The following AK5 variants were observed in gnomAD, a reference collection of about 807,000 sequenced individuals.
The protein encoded by AK5 is adenylate kinase isoenzyme 5.
AK5 carries 27 observed loss-of-function variants against 69.5 expected under a neutral mutation model. That is an observed-to-expected ratio of 0.39 (90% CI 0.29 to 0.54). The LOEUF (loss-of-function observed/expected upper bound fraction) is 0.54. AK5 is among the 20% of genes least tolerant of loss of function. AK5 has a pLI of 0.71. For missense variants in AK5, 531 were observed against 700.4 expected, an observed-to-expected ratio of 0.76 and a Z score of 2.73; for synonymous variants, 260 against 244.4, an observed-to-expected ratio of 1.06 and a Z score of -0.60.
chr1:77,413,545 C>A (rs1488411018), intron 7 of AK5, among the ~76,000 whole-genome samples: 1 of 152,186 alleles, frequency 6.6e-6, no homozygotes, highest in Non-Finnish European at 1.5e-5. Context: ...ACCCACACTT[C>A]TAGCAAAGCC....
intron 5 of AK5, among the ~76,000 whole-genome samples, chr1:77,325,264 C>CA (rs781722984): frequency 6.5e-4 from 99 of 152,002 alleles, no homozygotes; most frequent in Non-Finnish European, 1.2e-3. Context: ...CTCGGCCTCC[C>CA]AAAGTGTTGG....
chr1:77,368,253 A>T (rs998683291), intron 6 of AK5, among the ~76,000 whole-genome samples: 22 of 38,610 alleles, frequency 5.7e-4, no homozygotes, highest in East Asian at 2.3e-3. Context: ...ATATATATAT[A>T]ATATATATGT....
chr1:77,543,959 C>T (rs986799421), intron 13 of AK5, among the ~76,000 whole-genome samples: 1 of 151,876 alleles, frequency 6.6e-6, no homozygotes, highest in Non-Finnish European at 1.5e-5. Flanking sequence ...AGTCATGCAT[C>T]ATTTAACAGT....
chr1:77,327,332 A>C lies in AK5; in HGVS notation c.700-13045A>C, dbSNP rs1057009907. Among the ~76,000 whole-genome samples the C allele has an allele frequency of 2.2e-4, 33 of 150,580 alleles. 1 individual carries two copies. Among genetic ancestry groups the C allele is most frequent in the Middle Eastern group, 6.9e-3 (2 of 290 alleles). ...CCTGAGCCAAAGAGTTTGAGACTGC[A>C]GTGAGCTATGATTGTGCCACTGCAT... On this transcript the variant is annotated intron_variant, in intron 5 of 13. Coordinates refer to ENST00000354567, the MANE Select transcript of AK5 (RefSeq NM_174858.3).
intron 6 of AK5, among the ~76,000 whole-genome samples, chr1:77,367,554 T>TATATATAATATATA (rs59508312): frequency 3.5e-5 from 1 of 28,588 alleles, no homozygotes; most frequent in Non-Finnish European, 7.2e-5. Context: ...ATTTATGTTA[T>TATATATAATATATA]TTTTATATAT....
chr1:77,367,637 ATG>A (rs1227931820), intron 6 of AK5, among the ~76,000 whole-genome samples: 2 of 89,086 alleles, frequency 2.2e-5, no homozygotes, highest in South Asian at 3.7e-4. Context: ...TGTAATATAT[ATG>A]TTATGTTATA....
At chr1:77,398,989 A>C (rs1049428331) in intron 6 of AK5, among the ~76,000 whole-genome samples, 3 of 152,138 alleles carry the variant, frequency 2.0e-5, no homozygotes, top group Non-Finnish European at 4.4e-5. Flanking sequence ...TCCCTTTCTT[A>C]AGCAACTTTT....
intron 5 of AK5, among the ~76,000 whole-genome samples, chr1:77,332,159 A>G (rs776744085): frequency 2.0e-4 from 31 of 152,210 alleles, no homozygotes; most frequent in Middle Eastern, 3.4e-3. Context: ...GTTATTCTTA[A>G]TATCCTCTTT....
At chr1:77,536,771 T>A (rs1440339519) in intron 13 of AK5, among the ~76,000 whole-genome samples, 1 of 152,224 alleles carries the variant, frequency 6.6e-6, no homozygotes, top group Non-Finnish European at 1.5e-5. Flanking sequence ...TCGTTCACAA[T>A]TGGCTCTTGG....
At chr1:77,393,739 G>A (rs1648641165) in intron 6 of AK5, among the ~76,000 whole-genome samples, 1 of 152,178 alleles carries the variant, frequency 6.6e-6, no homozygotes, top group African/African-American at 2.4e-5. Context: ...GAGGAAAGAA[G>A]CTTAGAGAAT....
intron 8 of AK5, 41 bp downstream of exon 8, chr1:77,417,756 T>A: frequency 7.9e-7 from 1 of 1,259,636 alleles, no homozygotes; most frequent in South Asian, 1.3e-5. Context: ...TAAATGTTTT[T>A]AAGTTGAACC....
At position 77,558,649 on chromosome 1, in the gene AK5, A is replaced by G; in HGVS notation, c.1668A>G (p.Thr556=). The G allele has an allele frequency of 1.3e-6, 2 of 1,555,096 alleles. No individual in the cohort carries two copies. Among genetic ancestry groups the G allele is most frequent in the Non-Finnish European group, 1.7e-6 (2 of 1,144,278 alleles). The change falls in exon 14 of 14, where the codon ACA becomes ACG. Residue 556 remains threonine, a synonymous_variant. Coordinates refer to ENST00000354567, the MANE Select transcript of AK5 (RefSeq NM_174858.3). ...AGGACGTTTTTCTTCAACTCTGCACAGCTATTGACTCTATTTTCTGAAGGC... is the reference window on the plus strand; with the variant it reads ...AGGACGTTTTTCTTCAACTCTGCACGGCTATTGACTCTATTTTCTGAAGGC... ...TPEDVFLQLC[T]AIDSIF is the part of the protein sequence containing the mutation.
intron 5 of AK5, chr1:77,314,287 T>C (rs12133318): frequency 0.36 from 58,054 of 160,438 alleles, 10,866 homozygotes; most frequent in South Asian, 0.48. Flanking sequence ...CAGTCTTAAC[T>C]ACCACCTACT....
rs575287320 is a variant in AK5 at position 77,282,211 on chromosome 1, G to C, written c.-103G>C. ...TGCGCGTGAGAAAGAGGGCTGCACC[G>C]CTGCTCGGCGCGGACTCTGCCAGCC... On this transcript the variant is annotated 5_prime_UTR_variant, in exon 1 of 14. Transcript: ENST00000354567. The C allele has an allele frequency of 8.9e-6, 10 of 1,121,566 alleles. No homozygotes were observed. In the African/African-American group the frequency reaches 1.1e-4, roughly 12 times the overall value. The allele number at this position is 1,121,566 out of a possible 1,614,324, so 69.5% of individuals were successfully genotyped here.
chr1:77,464,844 G>A (rs546592201), intron 8 of AK5, among the ~76,000 whole-genome samples: 1 of 152,202 alleles, frequency 6.6e-6, no homozygotes, highest in East Asian at 1.9e-4. Context: ...AGAGATGATG[G>A]AGGTGCAGCC....
intron 6 of AK5, among the ~76,000 whole-genome samples, chr1:77,407,747 C>T (rs972986172): frequency 1.3e-5 from 2 of 151,984 alleles, no homozygotes; most frequent in Non-Finnish European, 2.9e-5. Context: ...GAACACAGTA[C>T]CCAATAGATA....
At chr1:77,517,007 G>T (rs1178727459) in intron 10 of AK5, among the ~76,000 whole-genome samples, 1 of 150,808 alleles carries the variant, frequency 6.6e-6, no homozygotes, top group Non-Finnish European at 1.5e-5. Flanking sequence ...GGGGGTGGAG[G>T]TTGCAGTGGG....
intron 5 of AK5, among the ~76,000 whole-genome samples, chr1:77,316,228 C>A (rs536169105): frequency 6.6e-6 from 1 of 152,136 alleles, no homozygotes; most frequent in South Asian, 2.1e-4. Flanking sequence ...AAGGTTGTGG[C>A]CCTGGAGCAA....
At chr1:77,441,463 C>T (rs2100636685) in intron 8 of AK5, among the ~76,000 whole-genome samples, 1 of 152,314 alleles carries the variant, frequency 6.6e-6, no homozygotes, top group Non-Finnish European at 1.5e-5. Context: ...AAAGACTCAT[C>T]TACAGTTGGG....
Sources: gnomAD v4.1 joint callset for allele counts (sites outside exome capture counted in the v4.1 genomes callset) on GRCh38, gnomAD v4.1.1 for gene constraint, MANE v1.5 for transcripts, NCBI Gene and HGNC (gene_info 2026-07-23, HGNC 2026-07-21) for gene names.